Variants in CNBD1 observed in about 807,000 individuals in gnomAD.
CNBD1 encodes the protein cyclic nucleotide binding domain containing 1.
A neutral mutation model predicts 54.4 loss-of-function variants in CNBD1; 71 were observed. That is an observed-to-expected ratio of 1.30 (90% CI 1.08 to 1.59). CNBD1 has a LOEUF of 1.59. Ranked by LOEUF, CNBD1 falls within the 40% of genes most tolerant of loss-of-function variation. The pLI, the probability that CNBD1 is intolerant of heterozygous loss-of-function variation, is 0.00. For missense variants in CNBD1, 659 were observed against 518.0 expected (o/e 1.27, Z -2.64); for synonymous variants, 182 against 170.7 (o/e 1.07, Z -0.51).
chr8:87,415,268 T>A (rs995511151), intron 2 of CNBD1, among the ~76,000 whole-genome samples: 2 of 152,066 alleles, frequency 1.3e-5, no homozygotes, highest in Middle Eastern at 3.2e-3. Flanking sequence ...TCAGACTGTC[T>A]AATTCAGTAA....
chr8:87,321,834 G>T, intron 8 of CNBD1, among the ~76,000 whole-genome samples: 1 of 145,892 alleles, frequency 6.9e-6, no homozygotes. Context: ...TTAAGTTTTA[G>T]GGTACATGTG....
At chr8:86,868,444 G>C (rs553444390) in intron 1 of CNBD1, among the ~76,000 whole-genome samples, 1 of 152,228 alleles carries the variant, frequency 6.6e-6, no homozygotes, top group African/African-American at 2.4e-5. Flanking sequence ...CTGGGTTCAA[G>C]CGATTATCCT....
intron 4 of CNBD1, among the ~76,000 whole-genome samples, chr8:86,983,403 G>T (rs1459118746): frequency 6.6e-6 from 1 of 152,298 alleles, no homozygotes; most frequent in East Asian, 1.9e-4. Context: ...GGTACCAGTA[G>T]AGTGGGGCAC....
intron 5 of CNBD1, among the ~76,000 whole-genome samples, chr8:87,235,060 T>C (rs1454276270): frequency 6.6e-6 from 1 of 152,198 alleles, no homozygotes; most frequent in Admixed American, 6.5e-5. Context: ...TGAACCAAAC[T>C]CTGCTAGCTC....
chr8:86,869,490 G>A (rs35743808), intron 1 of CNBD1, among the ~76,000 whole-genome samples: 1 of 152,098 alleles, frequency 6.6e-6, no homozygotes. Context: ...CTGCTATCTT[G>A]TTGACTCTGA....
chr8:87,181,589 T>A (rs1471525268), intron 4 of CNBD1, among the ~76,000 whole-genome samples: 1 of 152,208 alleles, frequency 6.6e-6, no homozygotes, highest in Non-Finnish European at 1.5e-5. Flanking sequence ...TGTTAGTAAT[T>A]GTGTTTTTAC....
rs1261319043 is a variant in CNBD1 at position 87,371,803 on chromosome 8, A to C, written c.1304-10817A>C. On this transcript the variant is annotated intron_variant, in intron 10 of 10. Transcript: ENST00000518476. ...AATTCAACAACCCTTCATGCTAAAA[A>C]CTCTCAATAAATTAGGTATTGACAG... is the stretch of plus-strand genomic sequence containing the variant. 2.6e-5 allele frequency among the ~76,000 whole-genome samples: 4 copies of C among 151,874 alleles called. No homozygotes were observed. In the South Asian group the frequency reaches 8.3e-4, roughly 31 times the overall value.
intron 8 of CNBD1, among the ~76,000 whole-genome samples, chr8:87,289,065 G>T (rs529798514): frequency 7.2e-5 from 11 of 152,092 alleles, no homozygotes; most frequent in Admixed American, 7.2e-4. Context: ...ATCAGAGAAT[G>T]TAGAGAATGT....
At chr8:86,874,986 T>TATATA (rs1554626871) in intron 1 of CNBD1, among the ~76,000 whole-genome samples, 3 of 120,120 alleles carry the variant, frequency 2.5e-5, no homozygotes, top group Admixed American at 8.3e-5. Flanking sequence ...GTAAATCAAT[T>TATATA]TATATATATA....
At chr8:87,387,713 C>T (rs572662447), downstream of CNBD1, among the ~76,000 whole-genome samples, 1 of 152,140 alleles carries the variant, frequency 6.6e-6, no homozygotes, top group African/African-American at 2.4e-5. Context: ...AGAAAGTTAA[C>T]AAGGATATCC....
At chr8:87,250,505 A>G (rs1191708279) in intron 6 of CNBD1, among the ~76,000 whole-genome samples, 1 of 152,202 alleles carries the variant, frequency 6.6e-6, no homozygotes, top group Non-Finnish European at 1.5e-5. Context: ...TCAGTATATC[A>G]AAGATACATC....
At chr8:87,395,180 T>A (rs1198958079) in intron 2 of CNBD1, among the ~76,000 whole-genome samples, 1 of 151,932 alleles carries the variant, frequency 6.6e-6, no homozygotes, top group Non-Finnish European at 1.5e-5. Context: ...TACTCTCTAC[T>A]TTCATTAGTA....
At chr8:87,403,441 C>G (rs1178908054) in intron 2 of CNBD1, among the ~76,000 whole-genome samples, 1 of 151,812 alleles carries the variant, frequency 6.6e-6, no homozygotes, top group Non-Finnish European at 1.5e-5. Flanking sequence ...TTTCAATTAC[C>G]CTAGTTTCAA....
rs987932756 is a variant in CNBD1, at chr8:86,939,771, T to C, written c.431+17T>C. ...AAAGAAATTGTAAGTATTTAAAATA[T>C]ATTCCTTCTTCTAATTGAGTAATTC... On this transcript the variant is annotated intron_variant, in intron 4 of 10. Coordinates refer to ENST00000518476, the MANE Select transcript of CNBD1 (RefSeq NM_173538.3). 4.3e-6 allele frequency: 6 copies of C among 1,406,234 alleles called. No homozygotes were observed. Among genetic ancestry groups the C allele is most frequent in the Non-Finnish European group, 5.8e-6 (6 of 1,030,646 alleles). 87.1% of individuals were successfully genotyped at this position (1,406,234 alleles called of 1,614,324 possible).
At chr8:87,348,219 C>T (rs1035002026) in intron 8 of CNBD1, among the ~76,000 whole-genome samples, 2 of 152,078 alleles carry the variant, frequency 1.3e-5, no homozygotes, top group Non-Finnish European at 2.9e-5. Context: ...CTCAGATGCA[C>T]TTATCTTTAA....
At chr8:87,179,728 G>A (rs1813271556) in intron 4 of CNBD1, among the ~76,000 whole-genome samples, 1 of 152,132 alleles carries the variant, frequency 6.6e-6, no homozygotes, top group Non-Finnish European at 1.5e-5. Flanking sequence ...GCAATATAGA[G>A]TTTATAATCA....
intron 2 of CNBD1, among the ~76,000 whole-genome samples, chr8:87,398,402 T>G (rs1386166025): frequency 6.6e-6 from 1 of 151,878 alleles, no homozygotes; most frequent in Non-Finnish European, 1.5e-5. Context: ...TACATGAGCC[T>G]ATTTGTGGAC....
chr8:87,373,088 A>G (rs1810852147), intron 10 of CNBD1, among the ~76,000 whole-genome samples: 1 of 151,796 alleles, frequency 6.6e-6, no homozygotes, highest in South Asian at 2.1e-4. Flanking sequence ...GGATGGGTGA[A>G]TTCTTCCAGT....
chr8:86,954,943 C>T (rs1200807770), intron 4 of CNBD1, among the ~76,000 whole-genome samples: 1 of 151,688 alleles, frequency 6.6e-6, no homozygotes, highest in Non-Finnish European at 1.5e-5. Context: ...ATTAACTTGT[C>T]ATTTACATTA....
Sources: allele counts gnomAD v4.1 joint callset (sites outside exome capture counted in the v4.1 genomes callset), GRCh38; gene constraint gnomAD v4.1.1; transcripts MANE v1.5; gene names NCBI Gene and HGNC (gene_info 2026-07-23, HGNC 2026-07-21).